SPI1: variants seen among roughly 807,000 people sequenced by gnomAD.
The protein encoded by SPI1 is Spi-1 proto-oncogene, also known as transcription factor PU.1.
SPI1 carries 3 observed loss-of-function variants against 30.7 expected under a neutral mutation model. The observed-to-expected ratio is 0.10, with a 90% CI of 0.04 to 0.25. The LOEUF is 0.25. Ranked by LOEUF, SPI1 falls within the 10% of genes least tolerant of loss-of-function variation. SPI1 has a pLI of 1.00. For synonymous variants in SPI1, 169 were observed against 157.1 expected (o/e 1.08, Z -0.56); for missense variants, 261 against 371.5 (o/e 0.70, Z 2.45).
At chr11:47,368,104 A>T (rs372327989) in intron 2 of SPI1, among the ~76,000 whole-genome samples, 1 of 152,086 alleles carries the variant, frequency 6.6e-6, no homozygotes, top group East Asian at 1.9e-4. Context: ...AGTGGCTCAC[A>T]CCTGTATTCC....
At position 47,359,201 on chromosome 11, in the gene SPI1, G is replaced by A. The variant is rs1030284513; in HGVS notation, c.331-195C>T. Among the ~76,000 whole-genome samples, 1 of 152,152 alleles carries A rather than the reference G, an allele frequency of 6.6e-6. No homozygotes were observed. On this transcript the variant is annotated intron_variant, in intron 3 of 4. Transcript: ENST00000378538. The surrounding 1 kb of genome is among the most constrained non-coding windows in gnomAD (Gnocchi z 5.1). The stretch of plus-strand genomic sequence containing the variant: ...GCACATAGGGTGCAGGCTGTGGGGC[G>A]AGGGGTGCTGACATCCAGCCCACCC...
chr11:47,356,802 GCA>G (rs2095910591), intron 4 of SPI1, among the ~76,000 whole-genome samples: 1 of 140,374 alleles, frequency 7.1e-6, no homozygotes, highest in South Asian at 2.3e-4. Flanking sequence ...ACACTTGCAC[GCA>G]CACACCTGCT....
At chr11:47,360,299 A>G (rs539379700) in intron 2 of SPI1, among the ~76,000 whole-genome samples, 30 of 152,270 alleles carry the variant, frequency 2.0e-4, no homozygotes, top group African/African-American at 7.2e-4. Flanking sequence ...TCGTGTTCTC[A>G]GCAATTCCAT....
In SPI1 at chr11:47,359,895, G is replaced by A. The variant is rs751249636; in HGVS notation, c.288C>T (p.Leu96=). Residue 96 remains leucine, a synonymous_variant, in exon 3 of 5, where the codon CTC becomes CTT. Coordinates refer to ENST00000378538, the MANE Select transcript of SPI1 (RefSeq NM_003120.3). This position sits in a 1 kb window ranked among gnomAD's most constrained non-coding sequence, Gnocchi z 5.1. ...RHMELEQMHV[L]DTPMVPPHPS... ...GATGGGGTGGCACCATGGGGGTATC[G>A]AGGACGTGCATCTGCTCCAGCTCCA... is the stretch of plus-strand genomic sequence containing the variant. The A allele has an allele frequency of 6.2e-6, 10 of 1,609,542 alleles. 1 individual carries two copies. Among genetic ancestry groups the A allele is most frequent in the Admixed American group, 5.0e-5 (3 of 59,990 alleles).
intron 4 of SPI1, among the ~76,000 whole-genome samples, chr11:47,356,113 T>A (rs2095908543): frequency 6.8e-6 from 1 of 146,548 alleles, no homozygotes. Flanking sequence ...AACGCCAGAT[T>A]GCACCCACAC....
In SPI1 at chr11:47,367,024, A is replaced by G. The variant is rs117176805; in HGVS notation, c.143-6984T>C. Among the ~76,000 whole-genome samples the G allele has an allele frequency of 4.8e-4, 73 of 152,310 alleles. 4 individuals carry two copies. The East Asian group carries it at 0.01, about 21-fold the overall frequency. ...GCAATGTGCCTGGCATATAAAAGATACTTAGTATATATTTATTAGATGGAT... is the reference window on the plus strand; with the variant it reads ...GCAATGTGCCTGGCATATAAAAGATGCTTAGTATATATTTATTAGATGGAT... On this transcript the variant is annotated intron_variant, in intron 2 of 4. Transcript: ENST00000378538.
chr11:47,362,751 T>C (rs2095922787), intron 2 of SPI1, among the ~76,000 whole-genome samples: 1 of 151,892 alleles, frequency 6.6e-6, no homozygotes, highest in Admixed American at 6.6e-5. Flanking sequence ...AATTTTTGTA[T>C]TTTTAGTAGA....
rs146054989 is a variant in SPI1, at chr11:47,358,804, G to A, written c.493+40C>T. Reference sequence around the variant, plus strand: ...CTGGGTGGGGGCAGGGCACAGACACGGCCAGGGTCGGGGCCAGGGTGGAGG... The same window carrying A: ...CTGGGTGGGGGCAGGGCACAGACACAGCCAGGGTCGGGGCCAGGGTGGAGG... On this transcript the variant is annotated intron_variant, in intron 4 of 4. Transcript: ENST00000378538. 1.8e-3 allele frequency: 2,737 copies of A among 1,545,018 alleles called. 3 individuals carry two copies. Among genetic ancestry groups the A allele is most frequent in the Middle Eastern group, 4.8e-3 (28 of 5,886 alleles).
rs374048175 is a variant in SPI1 at position 47,378,094 on chromosome 11, C to T, written c.45+215G>A. 3.9e-5 allele frequency among the ~76,000 whole-genome samples: 6 copies of T among 152,280 alleles called. No individual in the cohort carries two copies. In the East Asian group the frequency reaches 1.2e-3, roughly 29 times the overall value. ...ACTGTTCAGGCCCCACCGATCACAG[C>T]CCCACCGTGGGCCTGGCCTCAGCCC... On this transcript the variant is annotated intron_variant, in intron 1 of 4. Coordinates refer to ENST00000378538, the MANE Select transcript of SPI1 (RefSeq NM_003120.3).
chr11:47,357,454 CAG>C (rs1473055358), intron 4 of SPI1, among the ~76,000 whole-genome samples: 1 of 152,068 alleles, frequency 6.6e-6, no homozygotes, highest in African/African-American at 2.4e-5. Context: ...CACAACCACT[CAG>C]ACACCTACTT....
chr11:47,356,561 C>G (rs1007071586), intron 4 of SPI1, among the ~76,000 whole-genome samples: 1 of 151,674 alleles, frequency 6.6e-6, no homozygotes, highest in Non-Finnish European at 1.5e-5. Flanking sequence ...CACTCATGTT[C>G]ACACACCTGC....
At chr11:47,362,854 T>A (rs10769257) in intron 2 of SPI1, among the ~76,000 whole-genome samples, 151,154 of 151,930 alleles carry the variant, frequency 0.99, 75,198 homozygotes, top group Middle Eastern at 1. Flanking sequence ...GATTACAGGC[T>A]TGAGCCACTG....
In SPI1 at chr11:47,355,087, G is replaced by A. The variant is rs2095905972; in HGVS notation, c.*140C>T. Reference sequence around the variant, plus strand: ...GTGGAGGGGGCCTGGAGTGGGGGGAGGGGGCGGGTGAGGCGAGGCCCGGCC... The same window carrying A: ...GTGGAGGGGGCCTGGAGTGGGGGGAAGGGGCGGGTGAGGCGAGGCCCGGCC... On this transcript the variant is annotated 3_prime_UTR_variant, in exon 5 of 5. Transcript: ENST00000378538. The A allele has an allele frequency of 2.0e-6, 1 of 499,388 alleles. No individual in the cohort carries two copies. Among genetic ancestry groups the A allele is most frequent in the Admixed American group, 4.7e-5 (1 of 21,410 alleles). The allele number at this position is 499,388 out of a possible 1,614,324, so 30.9% of individuals were successfully genotyped here. A position where few individuals can be genotyped will look rare whatever the true frequency, so the allele number is the denominator to read the frequency against.
At chr11:47,356,893 C>T (rs1253449451) in intron 4 of SPI1, among the ~76,000 whole-genome samples, 1 of 149,728 alleles carries the variant, frequency 6.7e-6, no homozygotes, top group East Asian at 2.0e-4. Context: ...TACACACACA[C>T]GCCCCTGCTC....
At chr11:47,355,574 G>A in intron 4 of SPI1, 28 bp from the exon 5 acceptor site, 2 of 1,532,326 alleles carry the variant, frequency 1.3e-6, no homozygotes, top group Middle Eastern at 1.8e-4. Context: ...CGGTGGGAGG[G>A]GGCCCGGGGC....
intron 2 of SPI1, 46 bp from the exon 3 acceptor site, chr11:47,360,086 A>G: frequency 2.2e-6 from 3 of 1,368,906 alleles, no homozygotes; most frequent in Non-Finnish European, 3.0e-6. Flanking sequence ...AGGGTTGGGC[A>G]GGGCAGGAAA....
rs1426652511 is a variant in SPI1, at chr11:47,355,061, TGTGGAGGGGGCCTGGA to T, written c.*150_*165del. 6 of 300,088 alleles carry T rather than the reference TGTGGAGGGGGCCTGGA, an allele frequency of 2.0e-5. No individual in the cohort carries two copies. The highest frequency in any genetic ancestry group is 3.0e-5 in the Non-Finnish European group (6 of 202,944). 18.6% of individuals were successfully genotyped at this position (300,088 alleles called of 1,614,324 possible). On this transcript the variant is annotated 3_prime_UTR_variant, in exon 5 of 5. Coordinates refer to ENST00000378538, the MANE Select transcript of SPI1 (RefSeq NM_003120.3). ...AGTCCTGGAGGGAGGCGAAGCGGGATGTGGAGGGGGCCTGGAGTGGGGGGAGGGGGCGGGTGAGGCG... is the reference window on the plus strand; with the variant it reads ...AGTCCTGGAGGGAGGCGAAGCGGGATGTGGGGGGAGGGGGCGGGTGAGGCG...
intron 4 of SPI1, 54 bp from the exon 5 acceptor site, chr11:47,355,600 C>T (rs1357055625): frequency 4.1e-6 from 6 of 1,460,774 alleles, no homozygotes; most frequent in Non-Finnish European, 4.6e-6. Flanking sequence ...TGGGAGCCGC[C>T]CCCACCGCCT....
In SPI1 at chr11:47,375,915, G is replaced by T. The variant is rs2095941714; in HGVS notation, c.46-186C>A. On this transcript the variant is annotated intron_variant, in intron 1 of 4. Transcript: ENST00000378538. This position sits in a 1 kb window ranked among gnomAD's most constrained non-coding sequence, Gnocchi z 4.2. ...GGGGACCCAGAAGGCCTGAAAAGGG[G>T]TGACAGGGACCTTGGGGGTGAGAGG... Among the ~76,000 whole-genome samples, 2 of 152,122 alleles carry T rather than the reference G, an allele frequency of 1.3e-5. No homozygotes were observed. The highest frequency in any genetic ancestry group is 1.5e-5 in the Non-Finnish European group (1 of 67,990).
Sources: gnomAD v4.1 joint callset for allele counts (sites outside exome capture counted in the v4.1 genomes callset) on GRCh38, gnomAD v4.1.1 for gene constraint, Gnocchi (gnomAD v3.1) non-coding constraint, MANE v1.5 for transcripts, NCBI Gene and HGNC (gene_info 2026-07-23, HGNC 2026-07-21) for gene names.